Variants in LTN1 observed in about 807,000 individuals in gnomAD.
LTN1 encodes listerin E3 ubiquitin protein ligase 1.
Under a neutral mutation model 201.2 loss-of-function variants are expected in LTN1, and 88 were observed. That is an observed-to-expected ratio of 0.44 (90% CI 0.37 to 0.52). The LOEUF (loss-of-function observed/expected upper bound fraction) is 0.52, where lower values mean the gene tolerates loss of function less well. Among genes scored for constraint, LTN1 ranks in the 20% least tolerant of loss-of-function variants. The pLI is 0.00. For synonymous variants in LTN1, 645 were observed against 713.5 expected, an observed-to-expected ratio of 0.90 and a Z score of 1.53; for missense variants, 1,752 against 2,038.7, an observed-to-expected ratio of 0.86 and a Z score of 2.71.
In LTN1 at chr21:28,943,176, T is replaced by G. The variant is rs2084310608; in HGVS notation, c.4295+86A>C. 5 of 720,282 alleles carry G rather than the reference T, an allele frequency of 6.9e-6. No homozygotes were observed. In the South Asian group the frequency reaches 8.7e-5, roughly 13 times the overall value. 44.6% of individuals were successfully genotyped at this position (720,282 alleles called of 1,614,324 possible). The stretch of plus-strand genomic sequence containing the variant: ...GTAGAATGAATATAACTCTATAGCT[T>G]CTGTGCTGCTTCAGTCCTCTAAAGA... On this transcript the variant is annotated intron_variant, in intron 24 of 29. Transcript: ENST00000361371.
At chr21:28,940,485 CCAAA>C (rs2084288745) in intron 25 of LTN1, among the ~76,000 whole-genome samples, 1 of 152,006 alleles carries the variant, frequency 6.6e-6, no homozygotes, top group Non-Finnish European at 1.5e-5. Flanking sequence ...AGATCTCTCT[CCAAA>C]CAGTGATTTT....
chr21:28,930,405 T>G lies in LTN1; in HGVS notation c.*43A>C, dbSNP rs754893587. On this transcript the variant is annotated 3_prime_UTR_variant, in exon 30 of 30. Coordinates refer to ENST00000361371, the MANE Select transcript of LTN1 (RefSeq NM_015565.3). ...TTCAGACGGATCCAAATCCAATGCC[T>G]TTGTTTGATGTACTTCAGGGATCCC... 2 of 1,491,546 alleles carry G rather than the reference T, an allele frequency of 1.3e-6. No homozygotes were observed. Among genetic ancestry groups the G allele is most frequent in the South Asian group, 1.2e-5 (1 of 86,846 alleles). The allele number at this position is 1,491,546 out of a possible 1,614,324, so 92.4% of individuals were successfully genotyped here.
intron 18 of LTN1, among the ~76,000 whole-genome samples, chr21:28,948,051 G>A (rs1457319247): frequency 2.7e-5 from 4 of 150,610 alleles, no homozygotes; most frequent in Non-Finnish European, 4.4e-5. Context: ...AATCAGCCGG[G>A]TGTGGTGGCA....
chr21:28,945,936 T>C lies in LTN1; in HGVS notation c.3639A>G (p.Ala1213=). ...TATTTACACCCAGTACCTCTGGACT[T>C]GCTTCTGATAGATTACTGTGATAAA... The part of the protein sequence containing the change: ...IFLFSCNLSE[A]SPEVLGVNIE... Residue 1213 remains alanine, a synonymous_variant, in exon 21 of 30, where the codon GCA becomes GCG. Coordinates refer to ENST00000361371, the MANE Select transcript of LTN1 (RefSeq NM_015565.3). 1 of 1,609,966 alleles carries C rather than the reference T, an allele frequency of 6.2e-7. No individual in the cohort carries two copies. Among genetic ancestry groups the C allele is most frequent in the South Asian group, 1.1e-5 (1 of 90,486 alleles).
rs541134739 is a variant in LTN1 at position 28,989,857 on chromosome 21, A to T, written c.42+2907T>A. 5.9e-5 allele frequency among the ~76,000 whole-genome samples: 9 copies of T among 152,242 alleles called. No homozygotes were observed. In the South Asian group the frequency reaches 8.3e-4, roughly 14 times the overall value. On this transcript the variant is annotated intron_variant, in intron 1 of 29. Transcript: ENST00000361371. ...TGGCAAAACCCTGTATCTATTAAAA[A>T]TACAAAAAATTAGCCGGGTGTGATG...
chr21:28,944,318 T>C, intron 22 of LTN1, 65 bp downstream of exon 22: 1 of 1,316,590 alleles, frequency 7.6e-7, no homozygotes, highest in South Asian at 1.3e-5. Context: ...AAATTTTTGC[T>C]TTTGAATTTT....
intron 18 of LTN1, among the ~76,000 whole-genome samples, chr21:28,947,917 G>A (rs974495474): frequency 2.7e-5 from 4 of 150,856 alleles, no homozygotes; most frequent in Non-Finnish European, 4.4e-5. Context: ...CAATTGCGGG[G>A]TGCGGTGGCT....
Position 28,986,444 on chromosome 21 carries a change from A to T in LTN1, c.247-207T>A, listed in dbSNP as rs753370592. ...TTTTTTAAAAATAAAACATCTACAA[A>T]CAAAAAAACCTCATTTAAAGTTACA... On this transcript the variant is annotated intron_variant, in intron 2 of 29. Transcript: ENST00000361371. This position sits in a 1 kb window ranked among gnomAD's most constrained non-coding sequence, Gnocchi z 4.1. The T allele has an allele frequency of 4.4e-6, 3 of 681,444 alleles. No homozygotes were observed. In the South Asian group the frequency reaches 4.7e-5, roughly 11 times the overall value. 42.2% of individuals were successfully genotyped at this position (681,444 alleles called of 1,614,324 possible).
At chr21:28,963,779 A>G (rs913382492) in intron 11 of LTN1, among the ~76,000 whole-genome samples, 1 of 152,232 alleles carries the variant, frequency 6.6e-6, no homozygotes. Flanking sequence ...ACCATTTTAG[A>G]TGCCATTAAG....
At chr21:28,947,661 T>TTA in intron 18 of LTN1, 55 bp from the exon 19 acceptor site, 1 of 1,132,872 alleles carries the variant, frequency 8.8e-7, no homozygotes. Flanking sequence ...TACAGTTATT[T>TTA]TATATATTTC....
chr21:28,930,529 T>A lies in LTN1; in HGVS notation c.5239-19A>T. ...ATTTGTACTGAAAAAGAAAAGGTTT[T>A]AAATACTAAAAGAACTTTTAAAGTT... On this transcript the variant is annotated intron_variant, in intron 29 of 29. Transcript: ENST00000361371. 6.4e-7 allele frequency: 1 copy of A among 1,557,736 alleles called. No individual in the cohort carries two copies. The highest frequency in any genetic ancestry group is 8.8e-7 in the Non-Finnish European group (1 of 1,132,570).
intron 6 of LTN1, among the ~76,000 whole-genome samples, chr21:28,972,400 TACATAAAATGTCCCTG>T: frequency 8.5e-6 from 1 of 117,178 alleles, no homozygotes; most frequent in South Asian, 3.0e-4. Flanking sequence ...TCTCAGGAAT[TACATAAAATGTCCCTG>T]ACATAAAATG....
In LTN1 at chr21:28,943,734, T is replaced by C; in HGVS notation, c.4153A>G (p.Thr1385Ala). 1 of 1,613,908 alleles carries C rather than the reference T, an allele frequency of 6.2e-7. No homozygotes were observed. Among genetic ancestry groups the C allele is most frequent in the South Asian group, 1.1e-5 (1 of 91,072 alleles). ...CTGAAGAGGAGTAATGGGGCCAATG[T>C]ATTTAACAAAGTCTGGAGATATTCT... The part of the protein sequence containing the change: ...LPEYLQTLLN[T>A]LAPLLLFRAR... The change falls in exon 23 of 30, where the codon ACA (threonine) becomes GCA (alanine). Residue 1385 changes from threonine to alanine, a missense_variant. Physicochemically the swap from Thr to Ala is moderately conservative, Grantham distance 58. Transcript: ENST00000361371.
chr21:28,988,817 T>A (rs2084722042), intron 1 of LTN1, among the ~76,000 whole-genome samples: 1 of 151,826 alleles, frequency 6.6e-6, no homozygotes, highest in Non-Finnish European at 1.5e-5. Context: ...AATACAAAAT[T>A]AGCCAGGCAT....
chr21:28,946,404 T>A, intron 19 of LTN1, 117 bp from the exon 20 acceptor site: 1 of 612,360 alleles, frequency 1.6e-6, no homozygotes, highest in Non-Finnish European at 2.6e-6. Context: ...GGTTAAGAAC[T>A]CTAATAATGA....
At chr21:28,981,716 C>A (rs946938104) in intron 5 of LTN1, among the ~76,000 whole-genome samples, 2 of 152,116 alleles carry the variant, frequency 1.3e-5, no homozygotes, top group African/African-American at 4.8e-5. Flanking sequence ...TTCAACCAGA[C>A]CTTAAAATAC....
At chr21:28,973,743 A>G (rs2084594227) in intron 6 of LTN1, among the ~76,000 whole-genome samples, 1 of 152,220 alleles carries the variant, frequency 6.6e-6, no homozygotes, top group Non-Finnish European at 1.5e-5. Context: ...AAGATAACCA[A>G]AAGAATTTTG....
rs771140607 is a variant in LTN1 at position 28,943,832 on chromosome 21, T to C, written c.4055A>G (p.Tyr1352Cys). 4 of 1,613,866 alleles carry C rather than the reference T, an allele frequency of 2.5e-6. No individual in the cohort carries two copies. The highest frequency in any genetic ancestry group is 1.1e-5 in the South Asian group (1 of 91,080). ...ACTCAATAGCTGTTCCTTTGAGATA[T>C]ACGTTAATGTTTCACACATGGGTTT... Reference protein sequence around the residue: ...MLKPMCETLTYISKEQLLSHK... With the variant: ...MLKPMCETLTCISKEQLLSHK... Residue 1352 changes from tyrosine (Y) to cysteine (C), a missense_variant, in exon 23 of 30, where the codon TAT becomes TGT. Tyr to Cys is a radical substitution (Grantham distance 194, BLOSUM62 -2). Around this residue, in one of 3 missense-constraint regions of LTN1, gnomAD observed 1,211 missense variants for 1,312.8 expected, o/e 0.92. Coordinates refer to ENST00000361371, the MANE Select transcript of LTN1 (RefSeq NM_015565.3).
At position 28,956,850 on chromosome 21, in the gene LTN1, A is replaced by G. The variant is rs2084429508; in HGVS notation, c.2991T>C (p.His997=). 1.2e-6 allele frequency: 2 copies of G among 1,612,106 alleles called. No homozygotes were observed. The highest frequency in any genetic ancestry group is 2.2e-5 in the East Asian group (1 of 44,774). The part of the protein sequence containing the change: ...KEQDIKTLPS[H]LCTSALLSKM... ...TGCTCAATAATGCTGAAGTACACAAATGGCTGGGAAGTGTCTTTATGTCCT... is the reference window on the plus strand; with the variant it reads ...TGCTCAATAATGCTGAAGTACACAAGTGGCTGGGAAGTGTCTTTATGTCCT... Residue 997 remains histidine (H), a synonymous_variant, in exon 16 of 30, where the codon CAT becomes CAC. Transcript: ENST00000361371.
Sources: gnomAD v4.1 joint callset for allele counts (sites outside exome capture counted in the v4.1 genomes callset) on GRCh38, gnomAD v4.1.1 for gene constraint, gnomAD v4.1.1 regional missense constraint, Gnocchi (gnomAD v3.1) non-coding constraint, MANE v1.5 for transcripts, NCBI Gene and HGNC (gene_info 2026-07-23, HGNC 2026-07-21) for gene names.